FRMD4B: variants seen among roughly 807,000 people sequenced by gnomAD.
FRMD4B encodes the protein FERM domain-containing protein 4B.
A neutral mutation model predicts 141.5 loss-of-function variants in FRMD4B; 74 were observed. That is an observed-to-expected ratio of 0.52 (90% CI 0.43 to 0.63). FRMD4B has a LOEUF of 0.63. Ranked by LOEUF, FRMD4B falls within the 30% of genes least tolerant of loss-of-function variation. The pLI, the probability that FRMD4B is intolerant of heterozygous loss-of-function variation, is 0.00. For synonymous variants in FRMD4B, 506 were observed against 467.9 expected (o/e 1.08, Z -1.05); for missense variants, 1,366 against 1,253.4 (o/e 1.09, Z -1.36).
At chr3:69,498,218 G>A (rs1010928396) in intron 1 of FRMD4B, among the ~76,000 whole-genome samples, 15 of 152,190 alleles carry the variant, frequency 9.9e-5, no homozygotes, top group Admixed American at 2.0e-4. Flanking sequence ...AATCAAGCTG[G>A]TGCTGTTGAA....
intron 5 of FRMD4B, among the ~76,000 whole-genome samples, chr3:69,264,619 G>C (rs78535207): frequency 0.011 from 1,651 of 152,214 alleles, 36 homozygotes; most frequent in African/African-American, 0.038. Context: ...TACACACAAA[G>C]AGGTGTTAGA....
chr3:69,317,303 A>G (rs891514587), intron 1 of FRMD4B, among the ~76,000 whole-genome samples: 2 of 152,026 alleles, frequency 1.3e-5, no homozygotes, highest in Non-Finnish European at 2.9e-5. Context: ...TAGATACTTG[A>G]CTCAAGCTGG....
chr3:69,215,886 G>C (rs2093135210), intron 11 of FRMD4B, among the ~76,000 whole-genome samples: 1 of 150,402 alleles, frequency 6.6e-6, no homozygotes, highest in African/African-American at 2.4e-5. Flanking sequence ...TGTGCTTGTG[G>C]CTCACGCCTA....
chr3:69,265,448 C>CTTTT (rs560029423), intron 5 of FRMD4B, among the ~76,000 whole-genome samples: 13 of 93,596 alleles, frequency 1.4e-4, no homozygotes, highest in South Asian at 4.0e-4. Flanking sequence ...TTTATTTGTC[C>CTTTT]TTTTTTTTTT....
upstream of FRMD4B, among the ~76,000 whole-genome samples, chr3:69,389,072 C>T (rs1017465241): frequency 7.0e-6 from 1 of 143,348 alleles, no homozygotes; most frequent in African/African-American, 2.6e-5. Flanking sequence ...CTCCCTCTGT[C>T]GCCCAGGCTG....
At chr3:69,507,917 A>G (rs1467343057) in intron 1 of FRMD4B, among the ~76,000 whole-genome samples, 1 of 152,156 alleles carries the variant, frequency 6.6e-6, no homozygotes, top group Non-Finnish European at 1.5e-5. Flanking sequence ...AGAGGTAAAG[A>G]GGTTTCGGGT....
intron 2 of FRMD4B, among the ~76,000 whole-genome samples, chr3:69,427,856 AT>A: frequency 6.6e-6 from 1 of 151,186 alleles, no homozygotes; most frequent in East Asian, 2.0e-4. Flanking sequence ...GGGTTTCACC[AT>A]GTTGGCCAGG....
chr3:69,514,223 G>A (rs1169544041), intron 1 of FRMD4B, among the ~76,000 whole-genome samples: 1 of 152,058 alleles, frequency 6.6e-6, no homozygotes, highest in Admixed American at 6.6e-5. Flanking sequence ...ATACAAAATC[G>A]ATATAAGAAA....
intron 2 of FRMD4B, among the ~76,000 whole-genome samples, chr3:69,421,697 A>C (rs1346319144): frequency 2.0e-5 from 3 of 152,234 alleles, no homozygotes; most frequent in African/African-American, 7.2e-5. Flanking sequence ...TTCCTCAGTC[A>C]CAACAGCCAC....
Position 69,172,074 on chromosome 3 carries a change from C to T in FRMD4B, c.2985-93G>A, listed in dbSNP as rs936882937. 2.4e-6 allele frequency: 3 copies of T among 1,224,654 alleles called. No individual in the cohort carries two copies. In the African/African-American group the frequency reaches 4.5e-5, roughly 19 times the overall value. 75.9% of individuals were successfully genotyped at this position (1,224,654 alleles called of 1,614,324 possible). ...TACATTTAAAGAAGTTAGTAGGAAGCACTGTTAAGAAAAATTTCCCAAAAT... is the reference window on the plus strand; with the variant it reads ...TACATTTAAAGAAGTTAGTAGGAAGTACTGTTAAGAAAAATTTCCCAAAAT... On this transcript the variant is annotated intron_variant, in intron 22 of 22. Coordinates refer to ENST00000398540, the MANE Select transcript of FRMD4B (RefSeq NM_015123.3).
At chr3:69,201,040 A>C (rs189021198) in intron 11 of FRMD4B, 145 of 276,986 alleles carry the variant, frequency 5.2e-4, no homozygotes, top group Middle Eastern at 3.4e-3. Context: ...CAAAAACTCT[A>C]CTTAAAAGGC....
intron 1 of FRMD4B, among the ~76,000 whole-genome samples, chr3:69,540,649 A>G (rs1484655677): frequency 1.2e-5 from 1 of 86,076 alleles, no homozygotes; most frequent in African/African-American, 6.3e-5. Context: ...ATATATATAT[A>G]TATATATATA....
chr3:69,485,615 C>T (rs975610160), intron 1 of FRMD4B, among the ~76,000 whole-genome samples: 11 of 152,220 alleles, frequency 7.2e-5, no homozygotes, highest in African/African-American at 1.7e-4. Context: ...CCCTGGTTCC[C>T]GCTGGCTCCA....
chr3:69,311,179 A>T, intron 3 of FRMD4B, 84 bp downstream of exon 3: 1 of 633,018 alleles, frequency 1.6e-6, no homozygotes, highest in Admixed American at 2.7e-5. Context: ...TGGAGGACTT[A>T]TTTCCTTTTT....
chr3:69,301,080 C>G (rs972315359), intron 4 of FRMD4B, among the ~76,000 whole-genome samples: 2 of 152,126 alleles, frequency 1.3e-5, no homozygotes, highest in African/African-American at 2.4e-5. Context: ...AGCCTAAATG[C>G]TTAAATAAAT....
At chr3:69,381,330 T>C (rs951021873) in intron 1 of FRMD4B, among the ~76,000 whole-genome samples, 6 of 152,218 alleles carry the variant, frequency 3.9e-5, no homozygotes, top group Non-Finnish European at 8.8e-5. Context: ...TGTTGGCAAA[T>C]ACCTTATGAA....
chr3:69,262,961 G>A (rs2093537491), intron 5 of FRMD4B, among the ~76,000 whole-genome samples: 1 of 151,920 alleles, frequency 6.6e-6, no homozygotes, highest in Non-Finnish European at 1.5e-5. Context: ...AAGAAATGCT[G>A]TTAAAAGCAA....
intron 6 of FRMD4B, among the ~76,000 whole-genome samples, chr3:69,249,733 C>T (rs2093449027): frequency 6.6e-6 from 1 of 152,156 alleles, no homozygotes; most frequent in Non-Finnish European, 1.5e-5. Context: ...ATGAAAATTA[C>T]AGCTGTTGTA....
intron 1 of FRMD4B, among the ~76,000 whole-genome samples, chr3:69,434,569 A>G (rs993892716): frequency 1.3e-5 from 2 of 152,238 alleles, no homozygotes; most frequent in Non-Finnish European, 2.9e-5. Context: ...AACTAAAGAG[A>G]GAAACAAAGG....
Sources: gnomAD v4.1 joint callset for allele counts (sites outside exome capture counted in the v4.1 genomes callset) on GRCh38, gnomAD v4.1.1 for gene constraint, MANE v1.5 for transcripts, NCBI Gene and HGNC (gene_info 2026-07-23, HGNC 2026-07-21) for gene names.